XKR6: variants seen among roughly 807,000 people sequenced by gnomAD.
XKR6 encodes XK-related protein 6.
A neutral mutation model predicts 56.7 loss-of-function variants in XKR6; 22 were observed. That is an observed-to-expected ratio of 0.39 (90% CI 0.28 to 0.55). The LOEUF (loss-of-function observed/expected upper bound fraction) is 0.55, where lower values mean the gene tolerates loss of function less well. Ranked by LOEUF, XKR6 falls within the 20% of genes least tolerant of loss-of-function variation. XKR6 has a pLI of 0.66. For synonymous variants in XKR6, 524 were observed against 387.8 expected (o/e 1.35, Z -4.13); for missense variants, 852 against 889.0 (o/e 0.96, Z 0.53).
intron 1 of XKR6, among the ~76,000 whole-genome samples, chr8:11,022,782 T>C (rs1380123713): frequency 6.6e-6 from 1 of 152,240 alleles, no homozygotes; most frequent in Admixed American, 6.5e-5. Flanking sequence ...TCTTTTCAAC[T>C]ATACCATTCA....
At chr8:10,989,540 T>C (rs1461172328) in intron 1 of XKR6, among the ~76,000 whole-genome samples, 1 of 152,232 alleles carries the variant, frequency 6.6e-6, no homozygotes, top group Non-Finnish European at 1.5e-5. Flanking sequence ...TTTCACCATA[T>C]AGCAGAGTGG....
In XKR6 at chr8:11,154,720, T is replaced by C. The variant is rs77031107; in HGVS notation, c.764+45856A>G. On this transcript the variant is annotated intron_variant, in intron 1 of 2. Transcript: ENST00000416569. ...TTCTTGAAAATTAAGTAAGAGTTTC[T>C]AGAATACATGTAATCCTCCTTTTCT... Among the ~76,000 whole-genome samples the C allele has an allele frequency of 1.5e-3, 222 of 152,354 alleles. 4 individuals carry two copies. The South Asian group carries it at 0.019, about 13-fold the overall frequency.
At chr8:11,092,093 G>C (rs1281688330) in intron 1 of XKR6, among the ~76,000 whole-genome samples, 1 of 152,168 alleles carries the variant, frequency 6.6e-6, no homozygotes, top group Non-Finnish European at 1.5e-5. Flanking sequence ...TAGCAAGTGA[G>C]ATAAACAAAG....
chr8:11,076,627 C>T (rs1464705814), intron 1 of XKR6, among the ~76,000 whole-genome samples: 1 of 152,126 alleles, frequency 6.6e-6, no homozygotes, highest in Non-Finnish European at 1.5e-5. Context: ...AATAATGACA[C>T]AGTAGCAAAG....
intron 1 of XKR6, among the ~76,000 whole-genome samples, chr8:11,004,915 C>T (rs745784429): frequency 2.0e-5 from 3 of 152,090 alleles, no homozygotes; most frequent in Non-Finnish European, 4.4e-5. Flanking sequence ...AGACCTTATG[C>T]TAAATGAAAT....
chr8:10,957,123 G>C (rs766235648), intron 1 of XKR6, among the ~76,000 whole-genome samples: 1 of 151,986 alleles, frequency 6.6e-6, no homozygotes, highest in Non-Finnish European at 1.5e-5. Flanking sequence ...TTTAATTTTT[G>C]TATTTTTAGT....
intron 1 of XKR6, among the ~76,000 whole-genome samples, chr8:11,100,111 G>C (rs751214201): frequency 2.6e-5 from 4 of 152,174 alleles, no homozygotes; most frequent in Non-Finnish European, 5.9e-5. Flanking sequence ...GAGTGCAGTA[G>C]CACAATCTCA....
chr8:10,953,200 CTG>C (rs1801780214), intron 1 of XKR6, among the ~76,000 whole-genome samples: 2 of 152,214 alleles, frequency 1.3e-5, no homozygotes, highest in African/African-American at 4.8e-5. Flanking sequence ...CCCTCCTAGT[CTG>C]TGGAAAAATT....
chr8:10,943,625 G>C (rs1441470244), intron 1 of XKR6, among the ~76,000 whole-genome samples: 1 of 152,122 alleles, frequency 6.6e-6, no homozygotes, highest in Non-Finnish European at 1.5e-5. Flanking sequence ...TACCATTTCT[G>C]TACCAGGCAC....
At chr8:10,978,057 A>C (rs1030579397) in intron 1 of XKR6, among the ~76,000 whole-genome samples, 1 of 152,020 alleles carries the variant, frequency 6.6e-6, no homozygotes, top group Admixed American at 6.6e-5. Context: ...TTCCCATTTC[A>C]TCAGCAGGAA....
chr8:11,109,600 G>A (rs1798810417), intron 1 of XKR6: 1 of 152,194 alleles, frequency 6.6e-6, no homozygotes, highest in South Asian at 2.1e-4. Context: ...AGCACTTTAA[G>A]TCAGCTCTGG....
At chr8:11,110,224 T>C (rs1798837991) in intron 1 of XKR6, among the ~76,000 whole-genome samples, 1 of 152,136 alleles carries the variant, frequency 6.6e-6, no homozygotes, top group Non-Finnish European at 1.5e-5. Flanking sequence ...CAGCCCACCT[T>C]GGCCTCCCAA....
At position 11,113,269 on chromosome 8, in the gene XKR6, A is replaced by G. The variant is rs563629125; in HGVS notation, c.764+87307T>C. On this transcript the variant is annotated intron_variant, in intron 1 of 2. Transcript: ENST00000416569. The stretch of plus-strand genomic sequence containing the variant: ...AACTCCAAGCAAAAACCTTTTTGGA[A>G]TTCTATTTTTAGGAGAGTTAAACAT... 5.9e-5 allele frequency among the ~76,000 whole-genome samples: 9 copies of G among 152,294 alleles called. No individual in the cohort carries two copies. In the South Asian group the frequency reaches 1.9e-3, roughly 32 times the overall value.
At chr8:11,171,215 T>C (rs563441592) in intron 1 of XKR6, among the ~76,000 whole-genome samples, 4 of 152,368 alleles carry the variant, frequency 2.6e-5, no homozygotes, top group African/African-American at 9.6e-5. Flanking sequence ...AGGCACTCTG[T>C]AACATGAACT....
At chr8:10,947,601 G>A (rs910695306) in intron 1 of XKR6, among the ~76,000 whole-genome samples, 5 of 152,190 alleles carry the variant, frequency 3.3e-5, no homozygotes, top group Admixed American at 6.5e-5. Context: ...AAAGAAGGAG[G>A]AGAAAGACAG....
intron 1 of XKR6, among the ~76,000 whole-genome samples, chr8:11,025,015 GT>G (rs1798829524): frequency 6.6e-6 from 1 of 152,222 alleles, no homozygotes; most frequent in African/African-American, 2.4e-5. Flanking sequence ...AGGAGGGGTG[GT>G]GCAGTCTGAT....
intron 1 of XKR6, among the ~76,000 whole-genome samples, chr8:11,143,072 C>T (rs1224818963): frequency 6.6e-6 from 1 of 152,012 alleles, no homozygotes; most frequent in African/African-American, 2.4e-5. Context: ...TCTTCTTATA[C>T]AATTATTCCA....
At chr8:11,072,513 G>C (rs537535601) in intron 1 of XKR6, among the ~76,000 whole-genome samples, 6 of 152,298 alleles carry the variant, frequency 3.9e-5, no homozygotes, top group Admixed American at 2.6e-4. Context: ...CTTACAGAAA[G>C]TTATGAGACT....
At chr8:11,006,300 G>A (rs914427966) in intron 1 of XKR6, among the ~76,000 whole-genome samples, 2 of 152,132 alleles carry the variant, frequency 1.3e-5, no homozygotes, top group Non-Finnish European at 2.9e-5. Flanking sequence ...TTCATTCAGC[G>A]CCTACTGTGG....
Sources: gnomAD v4.1 joint callset for allele counts (sites outside exome capture counted in the v4.1 genomes callset) on GRCh38, gnomAD v4.1.1 for gene constraint, MANE v1.5 for transcripts, NCBI Gene and HGNC (gene_info 2026-07-23, HGNC 2026-07-21) for gene names.